Variants in EPHA5 observed in about 807,000 individuals in gnomAD.
EPHA5 encodes ephrin type-A receptor 5.
EPHA5 carries 60 observed loss-of-function variants against 105.0 expected under a neutral mutation model. The observed-to-expected ratio is 0.57, with a 90% confidence interval of 0.46 to 0.71. The LOEUF is 0.71. Among genes scored for constraint, EPHA5 ranks in the 30% least tolerant of loss-of-function variants. The pLI is 0.00. For missense variants in EPHA5, 1,218 were observed against 1,274.7 expected, an observed-to-expected ratio of 0.96 and a Z score of 0.68; for synonymous variants, 513 against 449.1, an observed-to-expected ratio of 1.14 and a Z score of -1.80.
At chr4:65,531,911 A>C (rs1735841229) in intron 3 of EPHA5, among the ~76,000 whole-genome samples, 1 of 152,222 alleles carries the variant, frequency 6.6e-6, no homozygotes, top group African/African-American at 2.4e-5. Context: ...TCTAATGAAT[A>C]CATAAGCCTA....
chr4:65,460,877 T>C (rs1728058909), intron 5 of EPHA5, among the ~76,000 whole-genome samples: 1 of 151,798 alleles, frequency 6.6e-6, no homozygotes, highest in African/African-American at 2.4e-5. Flanking sequence ...ATTTTTATTA[T>C]AGATAGTAGT....
At chr4:65,488,949 G>T (rs1731147486) in intron 5 of EPHA5, among the ~76,000 whole-genome samples, 1 of 148,330 alleles carries the variant, frequency 6.7e-6, no homozygotes, top group South Asian at 2.1e-4. Flanking sequence ...TCAGTGGCGC[G>T]ATCTCGGCTC....
At chr4:65,391,050 G>A (rs1241830772) in intron 8 of EPHA5, among the ~76,000 whole-genome samples, 1 of 151,994 alleles carries the variant, frequency 6.6e-6, no homozygotes, top group East Asian at 1.9e-4. Context: ...GCAGCAGGAA[G>A]GAGAAGTGCC....
intron 2 of EPHA5, among the ~76,000 whole-genome samples, chr4:65,636,513 A>T (rs966254986): frequency 4.0e-5 from 6 of 151,268 alleles, no homozygotes; most frequent in Non-Finnish European, 7.4e-5. Flanking sequence ...ACCCATACTG[A>T]ATCTCATTTT....
At chr4:65,570,064 T>C (rs911988257) in intron 3 of EPHA5, among the ~76,000 whole-genome samples, 19 of 151,592 alleles carry the variant, frequency 1.3e-4, no homozygotes, top group African/African-American at 3.4e-4. Flanking sequence ...TTATATATAA[T>C]AGATGAGAAA....
chr4:65,471,982 C>T (rs968823855), intron 5 of EPHA5, among the ~76,000 whole-genome samples: 1 of 152,122 alleles, frequency 6.6e-6, no homozygotes, highest in Non-Finnish European at 1.5e-5. Flanking sequence ...CCAGCGATAA[C>T]CCAAAAGTGC....
rs913211898 is a variant in EPHA5, at chr4:65,399,651, T to C, written c.1793+4723A>G. On this transcript the variant is annotated intron_variant, in intron 8 of 16. Transcript: ENST00000613740. ...AAAAGTTTTAAGTGTTTTGTTTATA[T>C]GCAAGAACATGTGCAAACAAGGGTG... 2.6e-5 allele frequency among the ~76,000 whole-genome samples: 4 copies of C among 152,362 alleles called. No individual in the cohort carries two copies. In the East Asian group the frequency reaches 5.8e-4, roughly 22 times the overall value.
chr4:65,510,980 A>C (rs1452530443), intron 3 of EPHA5, among the ~76,000 whole-genome samples: 1 of 152,132 alleles, frequency 6.6e-6, no homozygotes, highest in Non-Finnish European at 1.5e-5. Context: ...TCAATCAATC[A>C]ATCAATCTCT....
intron 1 of EPHA5, among the ~76,000 whole-genome samples, chr4:65,667,433 G>A (rs1056225487): frequency 5.3e-5 from 8 of 152,022 alleles, no homozygotes; most frequent in African/African-American, 1.9e-4. Context: ...CAAACAGCAG[G>A]CTTTTTTCAG....
rs1239570107 is a variant in EPHA5, at chr4:65,661,919, A to G, written c.181+7643T>C. On this transcript the variant is annotated intron_variant, in intron 1 of 16. Coordinates refer to ENST00000613740, the MANE Select transcript of EPHA5 (RefSeq NM_001281766.3). ...TGATGTATGAATTAAGTGAAAAAAT[A>G]TATAACTGGGTTTGACACAATCTAT... Among the ~76,000 whole-genome samples the G allele has an allele frequency of 1.5e-4, 23 of 152,208 alleles. 1 individual carries two copies. Among genetic ancestry groups the G allele is most frequent in the Non-Finnish European group, 1.5e-5 (1 of 68,034 alleles).
At chr4:65,497,174 A>G (rs1045433412) in intron 3 of EPHA5, among the ~76,000 whole-genome samples, 2 of 152,108 alleles carry the variant, frequency 1.3e-5, no homozygotes, top group Non-Finnish European at 2.9e-5. Context: ...AGTATGACGC[A>G]TATTTGCTGA....
At chr4:65,639,120 T>C (rs1747414625) in intron 2 of EPHA5, among the ~76,000 whole-genome samples, 1 of 152,204 alleles carries the variant, frequency 6.6e-6, no homozygotes, top group Non-Finnish European at 1.5e-5. Flanking sequence ...TTTTTCAAAC[T>C]TGAGGGAAAT....
chr4:65,487,706 C>T (rs185076648), intron 5 of EPHA5, among the ~76,000 whole-genome samples: 88 of 152,278 alleles, frequency 5.8e-4, no homozygotes, highest in Middle Eastern at 6.8e-3. Flanking sequence ...AATCAGCACT[C>T]CCCATTCCCT....
At chr4:65,415,695 A>C in intron 6 of EPHA5, among the ~76,000 whole-genome samples, 1 of 151,996 alleles carries the variant, frequency 6.6e-6, no homozygotes, top group Non-Finnish European at 1.5e-5. Flanking sequence ...ATATTTAGGA[A>C]ATTTTATTAA....
intron 5 of EPHA5, among the ~76,000 whole-genome samples, chr4:65,428,781 A>G (rs577999364): frequency 1.3e-5 from 2 of 152,254 alleles, no homozygotes; most frequent in South Asian, 4.1e-4. Context: ...TGGTGTGATT[A>G]CAGTTCATAG....
chr4:65,529,482 G>A (rs533128981), intron 3 of EPHA5, among the ~76,000 whole-genome samples: 116 of 150,640 alleles, frequency 7.7e-4, no homozygotes, highest in African/African-American at 2.8e-3. Context: ...AACATATTCA[G>A]TTATGTACAT....
intron 5 of EPHA5, among the ~76,000 whole-genome samples, chr4:65,486,418 T>A (rs561679288): frequency 3.9e-3 from 600 of 152,272 alleles, no homozygotes; most frequent in African/African-American, 0.014. Flanking sequence ...CTGTCTATTT[T>A]CAGTCACCAC....
intron 5 of EPHA5, among the ~76,000 whole-genome samples, chr4:65,476,125 A>AGTGTGTGTGTGT (rs1472563369): frequency 2.8e-4 from 37 of 132,330 alleles, no homozygotes; most frequent in African/African-American, 9.7e-4. Flanking sequence ...AGAGAGAGAG[A>AGTGTGTGTGTGT]GAGTGTGTGT....
intron 5 of EPHA5, among the ~76,000 whole-genome samples, chr4:65,453,200 T>C (rs547351215): frequency 6.6e-6 from 1 of 152,304 alleles, no homozygotes; most frequent in Non-Finnish European, 1.5e-5. Context: ...TCAATAAAAA[T>C]AATATGCTCT....
Sources: gnomAD v4.1 joint callset for allele counts (sites outside exome capture counted in the v4.1 genomes callset) on GRCh38, gnomAD v4.1.1 for gene constraint, MANE v1.5 for transcripts, NCBI Gene and HGNC (gene_info 2026-07-23, HGNC 2026-07-21) for gene names.